The following IL34 variants were observed in gnomAD, a reference collection of about 807,000 sequenced individuals.
IL34 encodes the protein interleukin-34.
A neutral mutation model predicts 25.3 loss-of-function variants in IL34; 17 were observed. That is an observed-to-expected ratio of 0.67 (90% CI 0.46 to 1.01). IL34 has a LOEUF of 1.01. IL34 is among the 50% of genes least tolerant of loss of function. The probability of loss-of-function intolerance (pLI) is 0.00; values close to 1 mark genes in which losing one functional copy is unlikely to be tolerated. For missense variants in IL34, 368 were observed against 312.9 expected, an observed-to-expected ratio of 1.18 and a Z score of -1.33; for synonymous variants, 174 against 140.9, an observed-to-expected ratio of 1.23 and a Z score of -1.66.
At chr16:70,644,923 G>T (rs1316040019), upstream of IL34, among the ~76,000 whole-genome samples, 1 of 74,926 alleles carries the variant, frequency 1.3e-5, no homozygotes, top group Admixed American at 1.1e-4. Flanking sequence ...AGGAGAAGGA[G>T]GAGGAAGGAG....
In IL34 at chr16:70,594,440, TAGAG is replaced by T. The variant is rs3865176; in HGVS notation, c.-401+14397_-401+14400del. 3.0e-3 allele frequency among the ~76,000 whole-genome samples: 464 copies of T among 152,270 alleles called. 12 individuals carry two copies. The highest frequency in any genetic ancestry group is 0.028 in the Admixed American group (427 of 15,284). On this transcript the variant is annotated intron_variant, in intron 1 of 6. Coordinates refer to the IL34 transcript ENST00000429149. Reference sequence around the variant, plus strand: ...ATGTGCATACAGTAAAAACATTCAATAGAGAGAGATTGGTTTATAGTGAAAAGTG... The same window carrying T: ...ATGTGCATACAGTAAAAACATTCAATAGAGATTGGTTTATAGTGAAAAGTG...
intron 1 of IL34, among the ~76,000 whole-genome samples, chr16:70,584,143 A>T (rs572857770): frequency 6.6e-6 from 1 of 152,286 alleles, no homozygotes; most frequent in Non-Finnish European, 1.5e-5. Flanking sequence ...GACTCCATGG[A>T]AGTCTGAGAA....
At chr16:70,590,314 C>T (rs545162182) in intron 1 of IL34, among the ~76,000 whole-genome samples, 2 of 152,254 alleles carry the variant, frequency 1.3e-5, no homozygotes, top group Admixed American at 1.3e-4. Context: ...GATTTGGGCT[C>T]ACGCTAGAGA....
chr16:70,654,266 G>T, intron 1 of IL34: 1 of 306,892 alleles, frequency 3.3e-6, no homozygotes, highest in Non-Finnish European at 6.0e-6. Flanking sequence ...GGGGAGACCA[G>T]ACGTCGACCC....
chr16:70,645,986 G>A (rs542460334), upstream of IL34, among the ~76,000 whole-genome samples: 1 of 152,320 alleles, frequency 6.6e-6, no homozygotes, highest in East Asian at 1.9e-4. Flanking sequence ...CCTGGAGGTG[G>A]AGGCTGCAGT....
chr16:70,635,542 G>GTCAGAGT, intron 1 of IL34, among the ~76,000 whole-genome samples: 1 of 152,252 alleles, frequency 6.6e-6, no homozygotes. Flanking sequence ...GAGGTCAGAG[G>GTCAGAGT]TCGGAAGCTG....
chr16:70,606,839 C>T (rs1238981404), intron 1 of IL34, among the ~76,000 whole-genome samples: 2 of 152,184 alleles, frequency 1.3e-5, no homozygotes, highest in East Asian at 1.9e-4. Flanking sequence ...CCTCCTGCCC[C>T]AGCCTCCTAA....
intron 1 of IL34, among the ~76,000 whole-genome samples, chr16:70,630,481 G>C (rs962959883): frequency 6.6e-6 from 1 of 151,552 alleles, no homozygotes. Context: ...ATCTGCCAGC[G>C]TCGGCCTCCC....
intron 1 of IL34, among the ~76,000 whole-genome samples, chr16:70,624,842 G>T (rs1375308954): frequency 6.7e-6 from 1 of 150,338 alleles, no homozygotes; most frequent in Non-Finnish European, 1.5e-5. Flanking sequence ...GGAGGGGAGA[G>T]GTCAGATGGG....
At chr16:70,599,293 C>CTTTCTTTCTTTCTTTCTTTCCTTCTTCT (rs113794220) in intron 1 of IL34, among the ~76,000 whole-genome samples, 111 of 132,796 alleles carry the variant, frequency 8.4e-4, no homozygotes, top group African/African-American at 3.1e-3. Flanking sequence ...TTCTTTCTTT[C>CTTTCTTTCTTTCTTTCTTTCCTTCTTCT]TTCTTTCTTT....
chr16:70,611,060 C>T (rs935502563), intron 1 of IL34, among the ~76,000 whole-genome samples: 2 of 152,188 alleles, frequency 1.3e-5, no homozygotes, highest in African/African-American at 4.8e-5. Flanking sequence ...CTCACTGCAA[C>T]CTCCATGTCC....
chr16:70,648,552 TAAAAAAAA>T (rs56164163), intron 1 of IL34, among the ~76,000 whole-genome samples: 3 of 73,318 alleles, frequency 4.1e-5, no homozygotes, highest in African/African-American at 6.7e-5. Context: ...ACCCTGTCTT[TAAAAAAAA>T]AAAAAAAAAA....
At chr16:70,656,751 C>T (rs781747608) in intron 3 of IL34, 72 bp downstream of exon 3, 42 of 965,104 alleles carry the variant, frequency 4.4e-5, no homozygotes, top group African/African-American at 8.0e-5. Flanking sequence ...CTCAGAGGCG[C>T]GCTGGGACTG....
At chr16:70,607,611 T>G (rs568295835) in intron 1 of IL34, among the ~76,000 whole-genome samples, 4 of 152,318 alleles carry the variant, frequency 2.6e-5, no homozygotes, top group Admixed American at 2.0e-4. Flanking sequence ...TCACTGTGTA[T>G]CCATAATTTT....
chr16:70,629,798 A>G (rs1047416583), intron 1 of IL34, among the ~76,000 whole-genome samples: 5 of 152,128 alleles, frequency 3.3e-5, no homozygotes, highest in African/African-American at 9.7e-5. Context: ...TCAATGCTTA[A>G]TAATCACATG....
At chr16:70,655,582 G>A (rs920378121) in intron 2 of IL34, among the ~76,000 whole-genome samples, 3 of 152,056 alleles carry the variant, frequency 2.0e-5, no homozygotes, top group Middle Eastern at 3.4e-3. Context: ...AGTAGAGACA[G>A]GGGTTCACCA....
At chr16:70,637,471 C>T (rs1029113851) in intron 1 of IL34, among the ~76,000 whole-genome samples, 18 of 152,130 alleles carry the variant, frequency 1.2e-4, no homozygotes, top group African/African-American at 4.1e-4. Context: ...GCCTCAGCCT[C>T]CCCAGCTGGG....
At chr16:70,652,884 C>G (rs1253043603) in intron 1 of IL34, among the ~76,000 whole-genome samples, 1 of 152,116 alleles carries the variant, frequency 6.6e-6, no homozygotes, top group African/African-American at 2.4e-5. Flanking sequence ...TGGCCAACAT[C>G]AAGTAGTAAT....
At chr16:70,629,032 C>T (rs931802189) in intron 1 of IL34, among the ~76,000 whole-genome samples, 3 of 152,130 alleles carry the variant, frequency 2.0e-5, no homozygotes, top group Non-Finnish European at 4.4e-5. Flanking sequence ...TCAAGTGATC[C>T]TCCCAAAGCA....
Sources: allele counts gnomAD v4.1 joint callset (sites outside exome capture counted in the v4.1 genomes callset), GRCh38; gene constraint gnomAD v4.1.1; transcripts MANE v1.5; gene names NCBI Gene and HGNC (gene_info 2026-07-23, HGNC 2026-07-21).